Variants in CHMP7 observed in about 807,000 individuals in gnomAD.
The protein encoded by CHMP7 is CHMP family, member 7.
A neutral mutation model predicts 53.7 loss-of-function variants in CHMP7; 15 were observed. The observed-to-expected ratio is 0.28, with a 90% CI of 0.19 to 0.43. The LOEUF is 0.43. Ranked by LOEUF, CHMP7 falls within the 20% of genes least tolerant of loss-of-function variation. CHMP7 has a pLI of 1.00. For missense variants in CHMP7, 527 were observed against 569.4 expected, an observed-to-expected ratio of 0.93 and a Z score of 0.76; for synonymous variants, 261 against 228.0, an observed-to-expected ratio of 1.14 and a Z score of -1.30.
In CHMP7 at chr8:23,246,545, T is replaced by C; in HGVS notation, c.-151T>C. 1.5e-6 allele frequency: 1 copy of C among 657,760 alleles called. No homozygotes were observed. Among genetic ancestry groups the C allele is most frequent in the East Asian group, 2.7e-5 (1 of 36,450 alleles). The allele number at this position is 657,760 out of a possible 1,614,324, so 40.7% of individuals were successfully genotyped here. A position where few individuals can be genotyped will look rare whatever the true frequency, so the allele number is the denominator to read the frequency against. On this transcript the variant is annotated 5_prime_UTR_variant, in exon 2 of 11. Transcript: ENST00000397677. ...GGAGCGCAGCGCAACGCATGCGCCT[T>C]GAAGACTTATGGAACTTATTTCACG...
Position 23,254,883 on chromosome 8 carries a change from A to G in CHMP7, c.472-364A>G, listed in dbSNP as rs1802064029. On this transcript the variant is annotated intron_variant, in intron 3 of 10. Transcript: ENST00000397677. ...TGACTGGCCCAAGGTCACCCAGGCT[A>G]GGCTGGAAATCAGGCCTCAGCTCTC... The G allele has an allele frequency of 1.4e-5, 5 of 347,974 alleles. No homozygotes were observed. The Admixed American group carries it at 2.0e-4, about 14-fold the overall frequency. 21.6% of individuals were successfully genotyped at this position (347,974 alleles called of 1,614,324 possible).
At chr8:23,247,535 G>C (rs760537455) in intron 2 of CHMP7, among the ~76,000 whole-genome samples, 11 of 152,180 alleles carry the variant, frequency 7.2e-5, no homozygotes, top group Non-Finnish European at 1.5e-4. Flanking sequence ...CTGAGTATCT[G>C]AGTGCCCTTA....
intron 3 of CHMP7, among the ~76,000 whole-genome samples, chr8:23,251,023 G>A (rs1341350073): frequency 2.6e-5 from 4 of 152,196 alleles, no homozygotes; most frequent in African/African-American, 9.7e-5. Flanking sequence ...GGTCTCCAGG[G>A]CTCAGTCAGG....
In CHMP7 at chr8:23,258,461, C is replaced by A; in HGVS notation, c.960+12C>A. On this transcript the variant is annotated intron_variant, in intron 7 of 10. Coordinates refer to ENST00000397677, the MANE Select transcript of CHMP7 (RefSeq NM_152272.5). ...AGACAGATCAGATGGTAGTCACTCC[C>A]CTCTACTCCAGCACTTGGCTGGTCT... The A allele has an allele frequency of 6.2e-7, 1 of 1,613,858 alleles. No individual in the cohort carries two copies. The highest frequency in any genetic ancestry group is 8.5e-7 in the Non-Finnish European group (1 of 1,179,950).
chr8:23,245,771 T>C (rs1801664558), intron 1 of CHMP7, among the ~76,000 whole-genome samples: 1 of 152,234 alleles, frequency 6.6e-6, no homozygotes, highest in African/African-American at 2.4e-5. Context: ...TCTGTGTGGA[T>C]GTTGTTAATT....
chr8:23,259,162 ATTTTTTT>A (rs374301627), intron 9 of CHMP7, 36 bp downstream of exon 9: 53 of 530,538 alleles, frequency 1.0e-4, no homozygotes, highest in East Asian at 2.0e-4. Context: ...ATTTTTATTC[ATTTTTTT>A]TTTTTTTTTT....
chr8:23,244,230 C>G (rs7459962), intron 1 of CHMP7, among the ~76,000 whole-genome samples: 50,962 of 151,938 alleles, frequency 0.34, 9,625 homozygotes, highest in South Asian at 0.49. Context: ...TCATGATGCC[C>G]AAGGTCATCT....
At chr8:23,253,035 G>A (rs113673362) in intron 3 of CHMP7, among the ~76,000 whole-genome samples, 4 of 152,158 alleles carry the variant, frequency 2.6e-5, no homozygotes, top group African/African-American at 9.7e-5. Flanking sequence ...TTGTTTACAT[G>A]ACGCTGCAAG....
At position 23,260,543 on chromosome 8, in the gene CHMP7, G is replaced by C. The variant is rs1802345294; in HGVS notation, c.1306G>C (p.Val436Leu). The change falls in exon 11 of 11, where the codon GTC becomes CTC. Residue 436 changes from valine to leucine, a missense_variant. By Grantham distance (32) the Val-to-Leu change is conservative (BLOSUM62 1). Coordinates refer to ENST00000397677, the MANE Select transcript of CHMP7 (RefSeq NM_152272.5). ...GTCATTTCTTTGCCTTGCAGGTTTG[G>C]TCCCAAGCAGTAAATCTCCAAAAAG... is the stretch of plus-strand genomic sequence containing the variant. ...EKLSLSEGGL[V>L]PSSKSPKRQL... 6.2e-7 allele frequency: 1 copy of C among 1,613,784 alleles called. No individual in the cohort carries two copies. Among genetic ancestry groups the C allele is most frequent in the African/African-American group, 1.3e-5 (1 of 74,902 alleles).
At chr8:23,255,157 G>A (rs1802073726) in intron 3 of CHMP7, 90 bp from the exon 4 acceptor site, 4 of 1,370,652 alleles carry the variant, frequency 2.9e-6, no homozygotes, top group Non-Finnish European at 4.1e-6. Context: ...TGCTTGCCTT[G>A]TGTGATCATG....
At chr8:23,256,696 T>TTTA in intron 5 of CHMP7, 103 bp downstream of exon 5, 3 of 918,662 alleles carry the variant, frequency 3.3e-6, no homozygotes, top group Non-Finnish European at 4.8e-6. Flanking sequence ...GTGGGTTTTT[T>TTTA]TTTTTTTTAG....
At chr8:23,258,500 G>GCC in intron 7 of CHMP7, 51 bp downstream of exon 7, 2 of 1,606,060 alleles carry the variant, frequency 1.2e-6, no homozygotes, top group Non-Finnish European at 1.7e-6. Flanking sequence ...CGTGTGTGTT[G>GCC]GTCACTTGCA....
At position 23,261,451 on chromosome 8, in the gene CHMP7, AAGCC is replaced by A. The variant is rs1283751341; in HGVS notation, c.*854_*857del. The A allele has an allele frequency of 6.5e-6, 1 of 152,720 alleles. No homozygotes were observed. Among genetic ancestry groups the A allele is most frequent in the East Asian group, 1.9e-4 (1 of 5,208 alleles). 9.5% of individuals were successfully genotyped at this position (152,720 alleles called of 1,614,324 possible). A position where few individuals can be genotyped will look rare whatever the true frequency, so the allele number is the denominator to read the frequency against. On this transcript the variant is annotated 3_prime_UTR_variant, in exon 11 of 11. Coordinates refer to ENST00000397677, the MANE Select transcript of CHMP7 (RefSeq NM_152272.5). ...AAAATACATATCTATCTTCCAGAACAAGCCACACAACAACACACCTCCCCTCCTT... is the reference window on the plus strand; with the variant it reads ...AAAATACATATCTATCTTCCAGAACAACACAACAACACACCTCCCCTCCTT...
Position 23,247,013 on chromosome 8 carries a change from C to T in CHMP7, c.299+19C>T, listed in dbSNP as rs1187401972. ...TGCTGCGGTGAGGGGCGGGCTGGGGCCAGGGCCGCGAGGGCGGGCGGGGGC... is the reference window on the plus strand; with the variant it reads ...TGCTGCGGTGAGGGGCGGGCTGGGGTCAGGGCCGCGAGGGCGGGCGGGGGC... On this transcript the variant is annotated intron_variant, in intron 2 of 10. Coordinates refer to ENST00000397677, the MANE Select transcript of CHMP7 (RefSeq NM_152272.5). 2.0e-6 allele frequency: 3 copies of T among 1,492,762 alleles called. No individual in the cohort carries two copies. Among genetic ancestry groups the T allele is most frequent in the East Asian group, 2.5e-5 (1 of 40,344 alleles). The allele number at this position is 1,492,762 out of a possible 1,614,324, so 92.5% of individuals were successfully genotyped here. A position where few individuals can be genotyped will look rare whatever the true frequency, so the allele number is the denominator to read the frequency against.
In CHMP7 at chr8:23,246,364, T is replaced by G. The variant is rs1801680943; in HGVS notation, c.-332T>G. The G allele has an allele frequency of 3.0e-6, 1 of 338,236 alleles. No homozygotes were observed. The highest frequency in any genetic ancestry group is 5.5e-6 in the Non-Finnish European group (1 of 180,400). 21.0% of individuals were successfully genotyped at this position (338,236 alleles called of 1,614,324 possible). ...GGTCAGAAGCCGCTGTACAACGCTT[T>G]GCCGAACTCCAGAATCTTGAAGGAG... On this transcript the variant is annotated 5_prime_UTR_variant, in exon 2 of 11. Transcript: ENST00000397677.
intron 5 of CHMP7, 92 bp downstream of exon 5, chr8:23,256,685 G>A: frequency 2.0e-6 from 2 of 977,032 alleles, no homozygotes; most frequent in East Asian, 2.6e-5. Flanking sequence ...TTAAAAAATA[G>A]GTGGGTTTTT....
intron 3 of CHMP7, among the ~76,000 whole-genome samples, chr8:23,249,759 A>G (rs1352608770): frequency 6.6e-6 from 1 of 152,018 alleles, no homozygotes; most frequent in Non-Finnish European, 1.5e-5. Flanking sequence ...ACTCAGCTCC[A>G]CTTTCCTACT....
chr8:23,254,970 T>C, intron 3 of CHMP7: 1 of 475,752 alleles, frequency 2.1e-6, no homozygotes, highest in Non-Finnish European at 3.9e-6. Context: ...CACAGGCCAG[T>C]GAGAGGCAGG....
At chr8:23,249,155 G>A in intron 2 of CHMP7, 55 bp from the exon 3 acceptor site, 2 of 1,434,592 alleles carry the variant, frequency 1.4e-6, no homozygotes, top group Non-Finnish European at 9.3e-7. Context: ...GCTAGAGACT[G>A]GAATGGGACA....
Sources: gnomAD v4.1 joint callset for allele counts (sites outside exome capture counted in the v4.1 genomes callset) on GRCh38, gnomAD v4.1.1 for gene constraint, MANE v1.5 for transcripts, NCBI Gene and HGNC (gene_info 2026-07-23, HGNC 2026-07-21) for gene names.